The following PTPRH variants were observed in gnomAD, a reference collection of about 807,000 sequenced individuals.
PTPRH encodes protein tyrosine phosphatase receptor type H, also known as receptor-type tyrosine-protein phosphatase H.
In PTPRH, 113 loss-of-function variants were observed where a neutral mutation model predicts 130.2. That is an observed-to-expected ratio of 0.87 (90% CI 0.75 to 1.01). The LOEUF (loss-of-function observed/expected upper bound fraction) is 1.01. Among genes scored for constraint, PTPRH ranks in the 50% least tolerant of loss-of-function variants. PTPRH has a pLI of 0.00. For synonymous variants in PTPRH, 556 were observed against 577.9 expected (o/e 0.96, Z 0.54); for missense variants, 1,430 against 1,425.0 (o/e 1.00, Z -0.06).
chr19:55,190,556 TTA>T lies in PTPRH; in HGVS notation c.2384+943_2384+944del, dbSNP rs556451653. On this transcript the variant is annotated intron_variant, in intron 12 of 19. Coordinates refer to ENST00000376350, the MANE Select transcript of PTPRH (RefSeq NM_002842.5). ...TATAATATATATAATATATAATATA[TTA>T]TATATATAACATATAATATATTATA... Among the ~76,000 whole-genome samples, 1,003 of 133,414 alleles carry T rather than the reference TTA, an allele frequency of 7.5e-3. 14 individuals are homozygous for T. Among genetic ancestry groups the T allele is most frequent in the African/African-American group, 0.026 (923 of 35,370 alleles). The allele number at this position is 133,414 out of a possible 152,430, so 87.5% of individuals were successfully genotyped here. A position where few individuals can be genotyped will look rare whatever the true frequency, so the allele number is the denominator to read the frequency against.
rs2087027805 is a variant in PTPRH at position 55,205,696 on chromosome 19, A to G, written c.353-104T>C. ...CCAGCAGGTAGAGGCAGGGAGGCCCAGCTCTGCACTGTCCAGTGTGGCAGC... is the reference window on the plus strand; with the variant it reads ...CCAGCAGGTAGAGGCAGGGAGGCCCGGCTCTGCACTGTCCAGTGTGGCAGC... On this transcript the variant is annotated intron_variant, in intron 3 of 19. Coordinates refer to ENST00000376350, the MANE Select transcript of PTPRH (RefSeq NM_002842.5). 4.0e-6 allele frequency: 6 copies of G among 1,518,386 alleles called. No individual in the cohort carries two copies. The Admixed American group carries it at 6.0e-5, about 15-fold the overall frequency. 94.1% of individuals were successfully genotyped at this position (1,518,386 alleles called of 1,614,324 possible).
rs8111364 is a variant in PTPRH, at chr19:55,202,778, C to T, written c.887-456G>A. On this transcript the variant is annotated intron_variant, in intron 5 of 19. Coordinates refer to ENST00000376350, the MANE Select transcript of PTPRH (RefSeq NM_002842.5). ...TATCTGCCAGGCGCAGTGGCTCACACCTGTAATCCCAGCACTTTGGGAGGC... is the reference window on the plus strand; with the variant it reads ...TATCTGCCAGGCGCAGTGGCTCACATCTGTAATCCCAGCACTTTGGGAGGC... Among the ~76,000 whole-genome samples, 883 of 152,280 alleles carry T rather than the reference C, an allele frequency of 5.8e-3. 10 individuals are homozygous for T. The highest frequency in any genetic ancestry group is 0.02 in the African/African-American group (848 of 41,554).
Position 55,181,811 on chromosome 19 carries a change from G to A in PTPRH, c.3291C>T (p.Val1097=), listed in dbSNP as rs368048494. 16 of 1,614,020 alleles carry A rather than the reference G, an allele frequency of 9.9e-6. No individual in the cohort carries two copies. In the African/African-American group the frequency reaches 1.7e-4, roughly 18 times the overall value. ...CCACGTTCTCGTAGATGAGGTTTTC[G>A]ACATCCTCATACGGGACTTCCTTCT... The part of the protein sequence containing the change: ...PAEKEVPYED[V]ENLIYENVAA... The change falls in exon 20 of 20, where the codon GTC becomes GTT. Residue 1097 remains valine, a synonymous_variant. Coordinates refer to ENST00000376350, the MANE Select transcript of PTPRH (RefSeq NM_002842.5).
At chr19:55,196,458 T>C (rs2086682160) in intron 10 of PTPRH, 64 bp downstream of exon 10, 1 of 1,530,868 alleles carries the variant, frequency 6.5e-7, no homozygotes. Flanking sequence ...TTCCTCACAA[T>C]GGGGCCTGAT....
chr19:55,200,062 T>C (rs556219115), intron 7 of PTPRH, among the ~76,000 whole-genome samples, 174 bp downstream of exon 7: 1 of 152,278 alleles, frequency 6.6e-6, no homozygotes, highest in South Asian at 2.1e-4. Flanking sequence ...GCTCTCTTCT[T>C]CCTCAGGGCA....
At chr19:55,189,672 C>T in intron 12 of PTPRH, 1 of 456,082 alleles carries the variant, frequency 2.2e-6, no homozygotes, top group Middle Eastern at 3.3e-4. Context: ...GCAAAGCTTT[C>T]CTTGAATATC....
At chr19:55,183,739 C>G (rs2086242825) in intron 18 of PTPRH, among the ~76,000 whole-genome samples, 1 of 151,924 alleles carries the variant, frequency 6.6e-6, no homozygotes, top group Non-Finnish European at 1.5e-5. Context: ...AAAAAAATAG[C>G]TATTTGAACG....
At chr19:55,193,632 T>C (rs1315506267) in intron 10 of PTPRH, among the ~76,000 whole-genome samples, 2 of 151,934 alleles carry the variant, frequency 1.3e-5, no homozygotes, top group Admixed American at 6.6e-5. Flanking sequence ...TATCCTACAA[T>C]GCGCAGGACG....
intron 3 of PTPRH, 151 bp downstream of exon 3, chr19:55,206,538 T>C (rs2087062592): frequency 1.2e-6 from 1 of 822,394 alleles, no homozygotes; most frequent in Non-Finnish European, 1.8e-6. Context: ...TACTTATTTT[T>C]ATGTGGCTGA....
Position 55,186,348 on chromosome 19 carries a change from G to A in PTPRH, c.2655C>T (p.Ser885=). 1 of 1,613,670 alleles carries A rather than the reference G, an allele frequency of 6.2e-7. No homozygotes were observed. Among genetic ancestry groups the A allele is most frequent in the South Asian group, 1.1e-5 (1 of 91,076 alleles). Residue 885 remains serine (S), a synonymous_variant, in exon 16 of 20, where the codon AGC becomes AGT. Coordinates refer to ENST00000376350, the MANE Select transcript of PTPRH (RefSeq NM_002842.5). ...CCTGGGTTGCAATGAACTCCTGGGG[G>A]CTCCAGAGACCCTGGTTGAGGAAGG... ...INASFMPGLW[S]PQEFIATQGP... is the part of the protein sequence containing the mutation.
In PTPRH at chr19:55,191,483, C is replaced by T; in HGVS notation, c.2384+18G>A. ...TGACCAGATTCTTTCCAATGCACCC[C>T]CCAGACCTTCTGCTCACCTAAAGAC... On this transcript the variant is annotated intron_variant, in intron 12 of 19. Coordinates refer to ENST00000376350, the MANE Select transcript of PTPRH (RefSeq NM_002842.5). 6.2e-7 allele frequency: 1 copy of T among 1,613,864 alleles called. No homozygotes were observed. The highest frequency in any genetic ancestry group is 8.5e-7 in the Non-Finnish European group (1 of 1,179,878).
chr19:55,183,086 G>A (rs1042553991), intron 18 of PTPRH, among the ~76,000 whole-genome samples: 2 of 148,436 alleles, frequency 1.3e-5, no homozygotes, highest in African/African-American at 4.9e-5. Flanking sequence ...ATGAGCTACT[G>A]TGCCCAGTGA....
At chr19:55,191,448 C>A in intron 12 of PTPRH, 53 bp downstream of exon 12, 3 of 1,599,660 alleles carry the variant, frequency 1.9e-6, no homozygotes, top group Non-Finnish European at 2.6e-6. Flanking sequence ...CCAGCAAACA[C>A]CCCTTGATTT....
rs1273987783 is a variant in PTPRH, at chr19:55,209,293, C to G, written c.51+90G>C. Reference sequence around the variant, plus strand: ...CCAGGGGATCTTCAGCACCTACTTCCTCAAGATCGAGGTGCAGGCACCCAG... The same window carrying G: ...CCAGGGGATCTTCAGCACCTACTTCGTCAAGATCGAGGTGCAGGCACCCAG... On this transcript the variant is annotated intron_variant, in intron 1 of 19. Coordinates refer to ENST00000376350, the MANE Select transcript of PTPRH (RefSeq NM_002842.5). This position sits in a 1 kb window ranked among gnomAD's most constrained non-coding sequence, Gnocchi z 4.1. 2 of 1,140,930 alleles carry G rather than the reference C, an allele frequency of 1.8e-6. No individual in the cohort carries two copies. The highest frequency in any genetic ancestry group is 2.6e-6 in the Non-Finnish European group (2 of 772,516). The allele number at this position is 1,140,930 out of a possible 1,614,324, so 70.7% of individuals were successfully genotyped here. A position where few individuals can be genotyped will look rare whatever the true frequency, so the allele number is the denominator to read the frequency against.
intron 6 of PTPRH, among the ~76,000 whole-genome samples, chr19:55,200,907 C>T (rs578032347): frequency 2.0e-5 from 3 of 151,550 alleles, no homozygotes; most frequent in Admixed American, 1.3e-4. Context: ...CGCGCCACTG[C>T]ACTCCAGCCT....
At chr19:55,182,392 C>T (rs1375847828) in intron 18 of PTPRH, among the ~76,000 whole-genome samples, 5 of 152,160 alleles carry the variant, frequency 3.3e-5, no homozygotes, top group African/African-American at 1.2e-4. Context: ...GGTATGGTGG[C>T]GCATGCCTGT....
Position 55,194,278 on chromosome 19 carries a change from A to C in PTPRH, c.2257+2244T>G, listed in dbSNP as rs570173256. The C allele has an allele frequency of 2.3e-6, 3 of 1,289,476 alleles. No homozygotes were observed. In the African/African-American group the frequency reaches 4.6e-5, roughly 20 times the overall value. The allele number at this position is 1,289,476 out of a possible 1,614,324, so 79.9% of individuals were successfully genotyped here. ...TCTTCATCAGCCTTGAAGGCCCCCA[A>C]GCTGCAGCTTCTCAGCAATCCTGGG... On this transcript the variant is annotated intron_variant, in intron 10 of 19. Transcript: ENST00000376350.
chr19:55,203,145 G>A (rs1014768410), intron 5 of PTPRH, among the ~76,000 whole-genome samples: 35 of 151,348 alleles, frequency 2.3e-4, no homozygotes, highest in South Asian at 6.3e-4. Context: ...TGGCTAACAC[G>A]GTGAAACCCG....
Position 55,184,786 on chromosome 19 carries a change from C to CAAATA in PTPRH, c.3062+711_3062+715dup, listed in dbSNP as rs1470716832. Among the ~76,000 whole-genome samples, 126 of 146,876 alleles carry CAAATA rather than the reference C, an allele frequency of 8.6e-4. 1 individual carries two copies. Among genetic ancestry groups the CAAATA allele is most frequent in the African/African-American group, 2.9e-3 (108 of 37,516 alleles). ...TGGGCGACAGGGAGAGACTCCATCTCAAATAAAATAAAATAAAATAATAAA... is the reference window on the plus strand; with the variant it reads ...TGGGCGACAGGGAGAGACTCCATCTCAAATAAAATAAAATAAAATAAAATAATAAA... On this transcript the variant is annotated intron_variant, in intron 18 of 19. Transcript: ENST00000376350.
Sources: allele counts gnomAD v4.1 joint callset (sites outside exome capture counted in the v4.1 genomes callset), GRCh38; gene constraint gnomAD v4.1.1; non-coding constraint Gnocchi (gnomAD v3.1); transcripts MANE v1.5; gene names NCBI Gene and HGNC (gene_info 2026-07-23, HGNC 2026-07-21).